ULK4: variants seen among roughly 807,000 people sequenced by gnomAD.
ULK4 encodes the protein inactive serine/threonine-protein kinase ULK4.
A neutral mutation model predicts 160.6 loss-of-function variants in ULK4; 133 were observed. The ratio of observed to expected loss-of-function variants is 0.83; its 90% CI spans 0.72 to 0.96. ULK4 has a LOEUF of 0.96. Ranked by LOEUF, ULK4 falls within the 40% of genes least tolerant of loss-of-function variation. ULK4 has a pLI of 0.00. For synonymous variants in ULK4, 534 were observed against 539.8 expected, an observed-to-expected ratio of 0.99 and a Z score of 0.15; for missense variants, 1,580 against 1,499.5, an observed-to-expected ratio of 1.05 and a Z score of -0.89.
chr3:41,297,402 T>C (rs1559510427), intron 35 of ULK4, among the ~76,000 whole-genome samples: 2 of 152,224 alleles, frequency 1.3e-5, no homozygotes, highest in Non-Finnish European at 2.9e-5. Flanking sequence ...GAGGATCCCA[T>C]GAAGCATTCC....
chr3:41,913,350 C>T (rs1005812248), intron 8 of ULK4: 36 of 154,054 alleles, frequency 2.3e-4, no homozygotes, highest in Admixed American at 2.0e-4. Context: ...CTCAGCCTCC[C>T]GAGTGGCTGG....
chr3:41,278,515 T>A (rs2079275540), intron 35 of ULK4, among the ~76,000 whole-genome samples: 1 of 152,162 alleles, frequency 6.6e-6, no homozygotes, highest in Non-Finnish European at 1.5e-5. Flanking sequence ...GACCCCTGTG[T>A]AGCCTGGCTG....
chr3:41,424,857 C>T, intron 34 of ULK4, among the ~76,000 whole-genome samples: 1 of 118,596 alleles, frequency 8.4e-6, no homozygotes. Context: ...AAAAAAAAGG[C>T]TGAAAACTGA....
At position 41,279,001 on chromosome 3, in the gene ULK4, G is replaced by A. The variant is rs192845249; in HGVS notation, c.3679-29427C>T. On this transcript the variant is annotated intron_variant, in intron 35 of 36. Coordinates refer to ENST00000301831, the MANE Select transcript of ULK4 (RefSeq NM_017886.4). ...AAGGTCGGTAATAACAAACTTCTCCGACCTAAAGGAGCATGTTCTAACCCA... is the reference window on the plus strand; with the variant it reads ...AAGGTCGGTAATAACAAACTTCTCCAACCTAAAGGAGCATGTTCTAACCCA... 4.8e-4 allele frequency among the ~76,000 whole-genome samples: 73 copies of A among 152,086 alleles called. 1 individual carries two copies. In the East Asian group the frequency reaches 0.012, roughly 24 times the overall value.
chr3:41,760,238 T>C (rs1559532595), intron 21 of ULK4, among the ~76,000 whole-genome samples: 1 of 152,144 alleles, frequency 6.6e-6, no homozygotes, highest in Non-Finnish European at 1.5e-5. Context: ...GATATAACTA[T>C]GAGCTTATTA....
At chr3:41,463,893 G>A (rs1208725555) in intron 32 of ULK4, among the ~76,000 whole-genome samples, 1 of 151,546 alleles carries the variant, frequency 6.6e-6, no homozygotes, top group Non-Finnish European at 1.5e-5. Flanking sequence ...ATTATATAGT[G>A]TTAACCTTTG....
chr3:41,395,037 A>C (rs2082027568), intron 35 of ULK4, among the ~76,000 whole-genome samples: 1 of 152,136 alleles, frequency 6.6e-6, no homozygotes, highest in African/African-American at 2.4e-5. Context: ...CTAAGCAAAC[A>C]GTTGTTGTGA....
intron 34 of ULK4, among the ~76,000 whole-genome samples, chr3:41,442,266 C>T (rs1175676453): frequency 6.6e-6 from 1 of 151,994 alleles, no homozygotes; most frequent in African/African-American, 2.4e-5. Flanking sequence ...TAAGGAAAAA[C>T]GGGTAACATA....
In ULK4 at chr3:41,493,074, G is replaced by A. The variant is rs373050617; in HGVS notation, c.3227-29821C>T. The stretch of plus-strand genomic sequence containing the variant: ...AATTGAACTCAGCTCTGCACCAAGC[G>A]GACCTAATAGACATCTACAGAACTC... On this transcript the variant is annotated intron_variant, in intron 32 of 36. Transcript: ENST00000301831. 3.9e-4 allele frequency among the ~76,000 whole-genome samples: 40 copies of A among 102,344 alleles called. No individual in the cohort carries two copies. The Middle Eastern group carries it at 0.013, about 33-fold the overall frequency. The allele number at this position is 102,344 out of a possible 152,430, so 67.1% of individuals were successfully genotyped here.
At chr3:41,344,118 A>G (rs980360955) in intron 35 of ULK4, among the ~76,000 whole-genome samples, 1 of 152,236 alleles carries the variant, frequency 6.6e-6, no homozygotes, top group African/African-American at 2.4e-5. Flanking sequence ...TGGTACTGGT[A>G]CAAGAACAGA....
intron 32 of ULK4, among the ~76,000 whole-genome samples, chr3:41,524,394 T>A (rs1378967072): frequency 6.6e-6 from 1 of 152,198 alleles, no homozygotes; most frequent in Non-Finnish European, 1.5e-5. Context: ...TCCCACCTCT[T>A]ACTCCTTTGA....
At chr3:41,833,774 T>C (rs904096606) in intron 18 of ULK4, among the ~76,000 whole-genome samples, 2 of 151,872 alleles carry the variant, frequency 1.3e-5, no homozygotes. Flanking sequence ...ACAAGGGGGG[T>C]TTCTAAATCT....
chr3:41,394,687 C>A (rs1302538768), intron 35 of ULK4, among the ~76,000 whole-genome samples: 1 of 152,030 alleles, frequency 6.6e-6, no homozygotes, highest in Non-Finnish European at 1.5e-5. Flanking sequence ...TGAACCCTGG[C>A]AAATTGGAGG....
intron 14 of ULK4, among the ~76,000 whole-genome samples, chr3:41,897,349 T>A (rs980902481): frequency 5.3e-5 from 8 of 152,080 alleles, no homozygotes; most frequent in African/African-American, 1.9e-4. Context: ...ATAAATCAAC[T>A]CTCAAATATT....
intron 34 of ULK4, among the ~76,000 whole-genome samples, chr3:41,409,116 C>T (rs981156421): frequency 1.3e-5 from 2 of 152,000 alleles, no homozygotes; most frequent in African/African-American, 4.8e-5. Context: ...ATTAGCCAGA[C>T]ACGGGAGCAC....
intron 2 of ULK4, among the ~76,000 whole-genome samples, chr3:41,945,818 T>A (rs1265611744): frequency 6.6e-6 from 1 of 152,188 alleles, no homozygotes; most frequent in Non-Finnish European, 1.5e-5. Flanking sequence ...TTTCCCTCAG[T>A]GTTATCACCA....
chr3:41,572,611 A>AG (rs1366018158), intron 31 of ULK4, among the ~76,000 whole-genome samples: 2 of 150,956 alleles, frequency 1.3e-5, no homozygotes, highest in African/African-American at 4.9e-5. Flanking sequence ...ATACAAAAAA[A>AG]AAAAATTGGC....
At chr3:41,504,584 A>G (rs1363910540) in intron 32 of ULK4, among the ~76,000 whole-genome samples, 2 of 152,170 alleles carry the variant, frequency 1.3e-5, no homozygotes, top group Non-Finnish European at 1.5e-5. Flanking sequence ...TCATTATTAA[A>G]TTCCAATCTA....
At chr3:41,921,377 C>T (rs60480362) in intron 5 of ULK4, among the ~76,000 whole-genome samples, 8,627 of 151,516 alleles carry the variant, frequency 0.057, 442 homozygotes, top group East Asian at 0.17. Flanking sequence ...TTTGGGAGGC[C>T]GAGGCGAGCA....
Sources: gnomAD v4.1 joint callset for allele counts (sites outside exome capture counted in the v4.1 genomes callset) on GRCh38, gnomAD v4.1.1 for gene constraint, MANE v1.5 for transcripts, NCBI Gene and HGNC (gene_info 2026-07-23, HGNC 2026-07-21) for gene names.